The following PCDH9 variants were observed in gnomAD, a reference collection of about 807,000 sequenced individuals.
PCDH9 encodes the protein protocadherin 9.
PCDH9 carries 24 observed loss-of-function variants against 70.6 expected under a neutral mutation model. The ratio of observed to expected loss-of-function variants is 0.34; its 90% CI spans 0.25 to 0.48. PCDH9 has a LOEUF of 0.48. PCDH9 is among the 20% of genes least tolerant of loss of function. PCDH9 has a pLI of 0.99. For missense variants in PCDH9, 1,281 were observed against 1,503.6 expected (o/e 0.85, Z 2.45); for synonymous variants, 562 against 558.5 (o/e 1.01, Z -0.09).
At chr13:66,782,969 T>C (rs536598813) in intron 3 of PCDH9, among the ~76,000 whole-genome samples, 9 of 152,334 alleles carry the variant, frequency 5.9e-5, no homozygotes, top group Non-Finnish European at 7.4e-5. Context: ...TTTTTGTTTT[T>C]CCCATTGCAA....
intron 3 of PCDH9, among the ~76,000 whole-genome samples, chr13:66,865,908 G>A (rs910942052): frequency 1.3e-5 from 2 of 152,180 alleles, no homozygotes; most frequent in Non-Finnish European, 1.5e-5. Context: ...TATGGCCTGT[G>A]TAGAATTCAA....
At chr13:67,069,834 C>T (rs1394655472) in intron 2 of PCDH9, among the ~76,000 whole-genome samples, 1 of 152,058 alleles carries the variant, frequency 6.6e-6, no homozygotes, top group Non-Finnish European at 1.5e-5. Context: ...TGCTCTGCTT[C>T]TCATAAAAAT....
At chr13:66,644,232 T>TA (rs533309386) in intron 3 of PCDH9, among the ~76,000 whole-genome samples, 1 of 151,762 alleles carries the variant, frequency 6.6e-6, no homozygotes, top group African/African-American at 2.4e-5. Context: ...ATCTAGGGTA[T>TA]AAAAAAACAT....
chr13:66,395,105 C>T (rs1038314573), intron 4 of PCDH9, among the ~76,000 whole-genome samples: 2 of 152,084 alleles, frequency 1.3e-5, no homozygotes, highest in Admixed American at 6.6e-5. Context: ...GACATTAGTC[C>T]TCATACATGA....
intron 4 of PCDH9, among the ~76,000 whole-genome samples, chr13:66,305,881 T>C (rs976156301): frequency 2.0e-5 from 3 of 152,088 alleles, no homozygotes; most frequent in Non-Finnish European, 4.4e-5. Context: ...ATCTAGAACA[T>C]ACATTTTAAC....
At chr13:66,936,029 G>A (rs79832220) in intron 2 of PCDH9, among the ~76,000 whole-genome samples, 12,849 of 152,248 alleles carry the variant, frequency 0.084, 749 homozygotes, top group Admixed American at 0.13. Context: ...AGGTTCCAGT[G>A]AGCTGAGATC....
intron 2 of PCDH9, among the ~76,000 whole-genome samples, chr13:67,164,565 C>A (rs2138425811): frequency 8.9e-6 from 1 of 112,622 alleles, no homozygotes; most frequent in Admixed American, 1.1e-4. Context: ...CAGAGCCAGA[C>A]TCCATCTCCA....
intron 4 of PCDH9, among the ~76,000 whole-genome samples, chr13:66,485,399 A>G (rs567108252): frequency 6.6e-6 from 1 of 152,238 alleles, no homozygotes; most frequent in African/African-American, 2.4e-5. Context: ...TTAAGTTAAT[A>G]AAATAATATG....
At chr13:67,018,846 T>A (rs2084617320) in intron 2 of PCDH9, among the ~76,000 whole-genome samples, 1 of 152,114 alleles carries the variant, frequency 6.6e-6, no homozygotes, top group African/African-American at 2.4e-5. Context: ...TTAAATATAA[T>A]CTTGTCACAT....
At chr13:66,903,769 T>A (rs1376218674) in intron 2 of PCDH9, among the ~76,000 whole-genome samples, 164 bp from the exon 3 acceptor site, 1 of 151,966 alleles carries the variant, frequency 6.6e-6, no homozygotes, top group Non-Finnish European at 1.5e-5. Context: ...ACCATAAAGA[T>A]TTTTTAATTG....
chr13:66,659,433 G>A (rs1487295004), intron 3 of PCDH9, among the ~76,000 whole-genome samples: 1 of 152,114 alleles, frequency 6.6e-6, no homozygotes, highest in Non-Finnish European at 1.5e-5. Context: ...GAGGACCAGT[G>A]CTCCAAGTCA....
At chr13:66,754,206 C>A (rs1387286616) in intron 3 of PCDH9, among the ~76,000 whole-genome samples, 1 of 151,966 alleles carries the variant, frequency 6.6e-6, no homozygotes, top group Non-Finnish European at 1.5e-5. Context: ...GGGAACATCA[C>A]GCACCTGTCA....
chr13:67,075,349 A>G (rs796423757), intron 2 of PCDH9, among the ~76,000 whole-genome samples: 82 of 152,256 alleles, frequency 5.4e-4, no homozygotes, highest in African/African-American at 1.9e-3. Context: ...AAAGGAAACG[A>G]ACTGAGAATA....
intron 4 of PCDH9, among the ~76,000 whole-genome samples, chr13:66,432,495 T>A (rs1003547027): frequency 2.0e-5 from 3 of 152,024 alleles, no homozygotes; most frequent in Non-Finnish European, 4.4e-5. Context: ...TTAATTTTTG[T>A]AACAATATGT....
intron 3 of PCDH9, among the ~76,000 whole-genome samples, chr13:66,784,715 A>G (rs931287758): frequency 6.6e-6 from 1 of 152,196 alleles, no homozygotes; most frequent in African/African-American, 2.4e-5. Context: ...TATTAAAACA[A>G]TCAAACTAAC....
chr13:66,638,069 C>T (rs1354003864), intron 3 of PCDH9, among the ~76,000 whole-genome samples: 1 of 152,056 alleles, frequency 6.6e-6, no homozygotes, highest in Non-Finnish European at 1.5e-5. Flanking sequence ...ATTAGCATTG[C>T]TCATTCATCT....
chr13:66,458,069 C>T (rs1958354056), intron 4 of PCDH9, among the ~76,000 whole-genome samples: 1 of 151,986 alleles, frequency 6.6e-6, no homozygotes, highest in Admixed American at 6.6e-5. Flanking sequence ...CAAACCGTTA[C>T]ATGCAGAGAG....
At chr13:66,504,374 G>T (rs1250719265) in intron 4 of PCDH9, among the ~76,000 whole-genome samples, 1 of 152,026 alleles carries the variant, frequency 6.6e-6, no homozygotes, top group African/African-American at 2.4e-5. Flanking sequence ...TCCCTTCAAA[G>T]GATGAACTCT....
At chr13:67,075,770 T>C (rs2085866507) in intron 2 of PCDH9, among the ~76,000 whole-genome samples, 1 of 152,082 alleles carries the variant, frequency 6.6e-6, no homozygotes, top group South Asian at 2.1e-4. Flanking sequence ...GTTATAATTG[T>C]TCAAATGTGG....
Sources: gnomAD v4.1 joint callset for allele counts (sites outside exome capture counted in the v4.1 genomes callset) on GRCh38, gnomAD v4.1.1 for gene constraint, MANE v1.5 for transcripts, NCBI Gene and HGNC (gene_info 2026-07-23, HGNC 2026-07-21) for gene names.